The following COA8 variants were observed in gnomAD, a reference collection of about 807,000 sequenced individuals.
COA8 encodes the protein cytochrome c oxidase assembly factor 8, also known as UPF0671 protein C14orf153.
Under a neutral mutation model 22.0 loss-of-function variants are expected in COA8, and 20 were observed. The observed-to-expected ratio is 0.91, with a 90% CI of 0.64 to 1.32. The LOEUF is 1.32. Ranked by LOEUF, COA8 falls within the 40% of genes most tolerant of loss-of-function variation. COA8 has a pLI of 0.00. For missense variants in COA8, 266 were observed against 230.0 expected, an observed-to-expected ratio of 1.16 and a Z score of -1.01; for synonymous variants, 105 against 79.9, an observed-to-expected ratio of 1.31 and a Z score of -1.68.
At chr14:103,574,736 C>T (rs532938874) in intron 3 of COA8, 17 of 275,760 alleles carry the variant, frequency 6.2e-5, no homozygotes, top group South Asian at 5.1e-4. Flanking sequence ...ACCCCCATGC[C>T]AGGACCTCTG....
At chr14:103,582,538 C>G (rs2151185003) in intron 3 of COA8, among the ~76,000 whole-genome samples, 1 of 152,270 alleles carries the variant, frequency 6.6e-6, no homozygotes, top group South Asian at 2.1e-4. Flanking sequence ...ACCTAGGATG[C>G]ATTCAAGTTA....
At chr14:103,582,737 CTTT>C (rs61102383) in intron 3 of COA8, among the ~76,000 whole-genome samples, 1 of 120,930 alleles carries the variant, frequency 8.3e-6, no homozygotes, top group Non-Finnish European at 1.6e-5. Flanking sequence ...TTCACCCTGC[CTTT>C]TTTTTTTTTT....
At chr14:103,574,482 G>T in intron 3 of COA8, 1 of 545,156 alleles carries the variant, frequency 1.8e-6, no homozygotes, top group African/African-American at 1.9e-5. Context: ...CTTTTCTTCT[G>T]ATTCCTGATC....
intron 3 of COA8, among the ~76,000 whole-genome samples, chr14:103,586,785 T>G (rs561894941): frequency 6.3e-4 from 95 of 151,804 alleles, no homozygotes; most frequent in African/African-American, 2.2e-3. Context: ...GCCCAGCTGG[T>G]CTCAAACTCC....
intron 3 of COA8, among the ~76,000 whole-genome samples, chr14:103,582,431 G>A (rs1191773659): frequency 6.6e-6 from 1 of 152,220 alleles, no homozygotes; most frequent in Non-Finnish European, 1.5e-5. Context: ...GTGCCACAGA[G>A]GCAAGCGGCA....
intron 3 of COA8, among the ~76,000 whole-genome samples, chr14:103,576,536 T>TGTGGAGGTGGCTCAGTACCCAGAGGCGG (rs2076231796): frequency 7.9e-5 from 12 of 152,180 alleles, no homozygotes; most frequent in Admixed American, 7.9e-4. Flanking sequence ...GCTGAGCATA[T>TGTGGAGGTGGCTCAGTACCCAGAGGCGG]GTGGAGGTGG....
chr14:103,576,471 T>G (rs1166685220), intron 3 of COA8, among the ~76,000 whole-genome samples: 2 of 152,152 alleles, frequency 1.3e-5, no homozygotes, highest in Non-Finnish European at 2.9e-5. Context: ...ACATAAAAGC[T>G]GAAAACGTCT....
chr14:103,590,124 G>A (rs2076339324), intron 4 of COA8, 57 bp from the exon 5 acceptor site: 1 of 1,479,850 alleles, frequency 6.8e-7, no homozygotes, highest in Admixed American at 1.7e-5. Flanking sequence ...CTGGGCCAGG[G>A]CACCAAGCCT....
At chr14:103,568,884 G>A (rs1245846665) in intron 1 of COA8, among the ~76,000 whole-genome samples, 4 of 151,988 alleles carry the variant, frequency 2.6e-5, no homozygotes, top group Non-Finnish European at 5.9e-5. Flanking sequence ...CACCTGCTTC[G>A]GCTTCCCAAA....
chr14:103,569,888 G>A (rs1324727276), intron 1 of COA8, among the ~76,000 whole-genome samples: 2 of 152,064 alleles, frequency 1.3e-5, no homozygotes, highest in African/African-American at 4.8e-5. Context: ...ACGGAGTCTC[G>A]CTCTGTCGCC....
At chr14:103,572,486 T>C (rs1229106676) in intron 2 of COA8, among the ~76,000 whole-genome samples, 1 of 152,016 alleles carries the variant, frequency 6.6e-6, no homozygotes, top group Non-Finnish European at 1.5e-5. Context: ...TCCCAGCACT[T>C]TGGGAGGCTG....
chr14:103,574,254 A>AG, intron 3 of COA8, 84 bp downstream of exon 3: 13 of 1,583,650 alleles, frequency 8.2e-6, no homozygotes, highest in Non-Finnish European at 1.1e-5. Context: ...GCGGTGAGAG[A>AG]GGTGGGGAAG....
Position 103,581,537 on chromosome 14 carries a change from C to A in COA8, c.386-5737C>A. ...TGCAGTTCAAAACTTATGACTTGTTCATTTCTGGAATTTTCCATTTAATAT... is the reference window on the plus strand; with the variant it reads ...TGCAGTTCAAAACTTATGACTTGTTAATTTCTGGAATTTTCCATTTAATAT... On this transcript the variant is annotated intron_variant, in intron 3 of 4. Transcript: ENST00000409074. The surrounding 1 kb of genome is among the most constrained non-coding windows in gnomAD (Gnocchi z 4.1). 2 of 398,612 alleles carry A rather than the reference C, an allele frequency of 5.0e-6. No individual in the cohort carries two copies. The highest frequency in any genetic ancestry group is 2.6e-4 in the South Asian group (2 of 7,782). The allele number at this position is 398,612 out of a possible 1,614,324, so 24.7% of individuals were successfully genotyped here. A position where few individuals can be genotyped will look rare whatever the true frequency, so the allele number is the denominator to read the frequency against.
intron 3 of COA8, among the ~76,000 whole-genome samples, chr14:103,580,396 C>A (rs1276846906): frequency 6.6e-6 from 1 of 152,150 alleles, no homozygotes; most frequent in Non-Finnish European, 1.5e-5. Flanking sequence ...GCAGCTTCCG[C>A]CTCTGGGTTC....
At chr14:103,572,722 C>A (rs1359510130) in intron 2 of COA8, among the ~76,000 whole-genome samples, 1 of 151,774 alleles carries the variant, frequency 6.6e-6, no homozygotes, top group Non-Finnish European at 1.5e-5. Context: ...AGGAGTGAGA[C>A]CCTCAAAAAG....
intron 1 of COA8, among the ~76,000 whole-genome samples, chr14:103,569,969 G>A (rs1462118207): frequency 6.6e-6 from 1 of 152,056 alleles, no homozygotes; most frequent in Non-Finnish European, 1.5e-5. Context: ...CAATTCTCCT[G>A]GCTCAGCCTC....
chr14:103,565,826 G>A (rs1267595469), intron 1 of COA8, among the ~76,000 whole-genome samples: 4 of 151,856 alleles, frequency 2.6e-5, no homozygotes, highest in Non-Finnish European at 4.4e-5. Flanking sequence ...TGTTGGCCAG[G>A]GTGGTCTTGA....
Position 103,581,714 on chromosome 14 carries a change from G to A in COA8, c.386-5560G>A. ...GTAGCCCCAGATGACGTAGGAAATG[G>A]CAGAACTGAAGGGAAAAGCAGAGCA... On this transcript the variant is annotated intron_variant, in intron 3 of 4. Coordinates refer to ENST00000409074, the MANE Select transcript of COA8 (RefSeq NM_001370595.2). The surrounding 1 kb of genome is among the most constrained non-coding windows in gnomAD (Gnocchi z 4.1). 2.5e-6 allele frequency: 1 copy of A among 398,474 alleles called. No individual in the cohort carries two copies. The highest frequency in any genetic ancestry group is 4.4e-6 in the Non-Finnish European group (1 of 226,034). 24.7% of individuals were successfully genotyped at this position (398,474 alleles called of 1,614,324 possible).
At chr14:103,566,776 A>C (rs903506557) in intron 1 of COA8, among the ~76,000 whole-genome samples, 2 of 152,222 alleles carry the variant, frequency 1.3e-5, no homozygotes, top group African/African-American at 4.8e-5. Context: ...CATCTTTGGA[A>C]TCTATCAGAA....
Sources: gnomAD v4.1 joint callset for allele counts (sites outside exome capture counted in the v4.1 genomes callset) on GRCh38, gnomAD v4.1.1 for gene constraint, Gnocchi (gnomAD v3.1) non-coding constraint, MANE v1.5 for transcripts, NCBI Gene and HGNC (gene_info 2026-07-23, HGNC 2026-07-21) for gene names.